A1CF: variants seen among roughly 807,000 people sequenced by gnomAD.
A1CF encodes the protein APOBEC-1 stimulating protein.
A neutral mutation model predicts 68.9 loss-of-function variants in A1CF; 48 were observed. The ratio of observed to expected loss-of-function variants is 0.70; its 90% CI spans 0.55 to 0.89. A1CF has a LOEUF of 0.89. A1CF is among the 40% of genes least tolerant of loss of function. The pLI is 0.00. For missense variants in A1CF, 653 were observed against 718.9 expected (o/e 0.91, Z 1.05); for synonymous variants, 272 against 260.4 (o/e 1.04, Z -0.43).
At chr10:50,824,546 C>G (rs982477883) in intron 7 of A1CF, 1 of 152,182 alleles carries the variant, frequency 6.6e-6, no homozygotes, top group African/African-American at 2.4e-5. Context: ...CAAGTCTTCT[C>G]TGCACTCCAA....
rs774653367 is a variant in A1CF, at chr10:50,841,857, C to G, written c.365+5G>C. On this transcript the variant is annotated splice_donor_5th_base_variant and intron_variant, in intron 5 of 12. Coordinates refer to ENST00000373997, the MANE Select transcript of A1CF (RefSeq NM_014576.4). ...CACTTTTAATCTAGAAGAGGCGGAG[C>G]TTACCTAATTTCATAATTATTAAGT... 6.2e-7 allele frequency: 1 copy of G among 1,612,394 alleles called. No homozygotes were observed. The highest frequency in any genetic ancestry group is 1.1e-5 in the South Asian group (1 of 90,860).
intron 5 of A1CF, among the ~76,000 whole-genome samples, chr10:50,837,718 GC>G (rs1446752712): frequency 6.6e-6 from 1 of 152,138 alleles, no homozygotes; most frequent in African/African-American, 2.4e-5. Context: ...CTTTCTAAAT[GC>G]CCCCTTGGGT....
rs1274965178 is a variant in A1CF, at chr10:50,805,330, AT to A, written c.*1398del. 4 of 152,202 alleles carry A rather than the reference AT, an allele frequency of 2.6e-5. No individual in the cohort carries two copies. The highest frequency in any genetic ancestry group is 7.2e-5 in the African/African-American group (3 of 41,450). 9.4% of individuals were successfully genotyped at this position (152,202 alleles called of 1,614,324 possible). A position where few individuals can be genotyped will look rare whatever the true frequency, so the allele number is the denominator to read the frequency against. The stretch of plus-strand genomic sequence containing the variant: ...TGAGATTGATGTAGGAGTAACAGGT[AT>A]TTGGTGTTGGACTTAAGATTATTTA... On this transcript the variant is annotated 3_prime_UTR_variant, in exon 13 of 13. Transcript: ENST00000373997.
At chr10:50,856,347 C>G (rs1840476732) in intron 3 of A1CF, among the ~76,000 whole-genome samples, 1 of 151,996 alleles carries the variant, frequency 6.6e-6, no homozygotes, top group Non-Finnish European at 1.5e-5. Flanking sequence ...TTAATTCATT[C>G]AAAATGATTG....
chr10:50,824,614 A>T (rs920930695), intron 7 of A1CF: 1 of 152,156 alleles, frequency 6.6e-6, no homozygotes, highest in African/African-American at 2.4e-5. Flanking sequence ...CCATGCACAC[A>T]TCATACTTGT....
intron 1 of A1CF, among the ~76,000 whole-genome samples, chr10:50,884,425 G>T (rs559431869): frequency 2.6e-5 from 4 of 152,284 alleles, no homozygotes; most frequent in Non-Finnish European, 2.9e-5. Context: ...TAAGTCATTT[G>T]TCTCTTTCTC....
chr10:50,838,985 C>T (rs533596854), intron 5 of A1CF, among the ~76,000 whole-genome samples: 1 of 152,274 alleles, frequency 6.6e-6, no homozygotes, highest in East Asian at 1.9e-4. Flanking sequence ...ATCATCACCA[C>T]CATAACCTTC....
In A1CF at chr10:50,816,426, T is replaced by A. The variant is rs150609001; in HGVS notation, c.868-147A>T. The A allele has an allele frequency of 1.6e-4, 154 of 965,428 alleles. No individual in the cohort carries two copies. In the African/African-American group the frequency reaches 2.3e-3, roughly 15 times the overall value. The allele number at this position is 965,428 out of a possible 1,614,324, so 59.8% of individuals were successfully genotyped here. A position where few individuals can be genotyped will look rare whatever the true frequency, so the allele number is the denominator to read the frequency against. ...ATCTTGTCATTTTATAGGTTTGTTT[T>A]GTATGCCAGTTGAACTTTTTCTGAG... On this transcript the variant is annotated intron_variant, in intron 8 of 12. Transcript: ENST00000373997.
At position 50,802,877 on chromosome 10, in the gene A1CF, C is replaced by T. The variant is rs1183704193; in HGVS notation, c.*3852G>A. 1.3e-5 allele frequency: 2 copies of T among 151,984 alleles called. No individual in the cohort carries two copies. Among genetic ancestry groups the T allele is most frequent in the Non-Finnish European group, 2.9e-5 (2 of 67,984 alleles). The allele number at this position is 151,984 out of a possible 1,614,324, so 9.4% of individuals were successfully genotyped here. On this transcript the variant is annotated 3_prime_UTR_variant, in exon 13 of 13. Transcript: ENST00000373997. ...TATAAAACGGTCATTTAGAATATAA[C>T]AAAAATTAATAAAAATGGAACATTA...
chr10:50,873,835 A>T (rs941794970), intron 1 of A1CF, among the ~76,000 whole-genome samples: 3 of 152,174 alleles, frequency 2.0e-5, no homozygotes, highest in Non-Finnish European at 2.9e-5. Context: ...TTGCACTGTA[A>T]TGAAAATATC....
intron 1 of A1CF, among the ~76,000 whole-genome samples, chr10:50,872,292 A>T (rs967807654): frequency 6.6e-6 from 1 of 152,184 alleles, no homozygotes. Context: ...TGTTCTGAAA[A>T]TTTTAAACAT....
At chr10:50,838,739 A>G (rs1460894330) in intron 5 of A1CF, among the ~76,000 whole-genome samples, 2 of 152,212 alleles carry the variant, frequency 1.3e-5, no homozygotes, top group Non-Finnish European at 2.9e-5. Flanking sequence ...CTGCAACAAA[A>G]GTTCTTTCCC....
chr10:50,806,954 TA>T (rs1837861576), intron 12 of A1CF, 74 bp from the exon 13 acceptor site: 2 of 1,455,762 alleles, frequency 1.4e-6, no homozygotes, highest in Admixed American at 4.3e-5. Flanking sequence ...TGTCTTCTTT[TA>T]GAAATACGAA....
chr10:50,822,133 T>C (rs1480841714), intron 7 of A1CF, among the ~76,000 whole-genome samples: 1 of 152,218 alleles, frequency 6.6e-6, no homozygotes, highest in African/African-American at 2.4e-5. Context: ...AAACCAACTA[T>C]CTATTTTTAT....
In A1CF at chr10:50,815,901, CA is replaced by C. The variant is rs1231989960; in HGVS notation, c.1141+104del. On this transcript the variant is annotated intron_variant, in intron 9 of 12. Coordinates refer to ENST00000373997, the MANE Select transcript of A1CF (RefSeq NM_014576.4). ...AGTTGATTTTTAATAAACAATTTTT[CA>C]GTGCTTTTCTCCAAGTGGACCCATC... 80 of 1,314,732 alleles carry C rather than the reference CA, an allele frequency of 6.1e-5. 1 individual carries two copies. Among genetic ancestry groups the C allele is most frequent in the Non-Finnish European group, 7.9e-5 (75 of 954,350 alleles). The allele number at this position is 1,314,732 out of a possible 1,614,324, so 81.4% of individuals were successfully genotyped here.
At chr10:50,884,634 C>T (rs1318426784) in intron 1 of A1CF, among the ~76,000 whole-genome samples, 1 of 152,248 alleles carries the variant, frequency 6.6e-6, no homozygotes, top group Non-Finnish European at 1.5e-5. Context: ...ACTAATCCTG[C>T]ACAATGTGCA....
chr10:50,800,109 A>C lies in A1CF; in HGVS notation c.*6620T>G, dbSNP rs961834912. 1.3e-5 allele frequency: 2 copies of C among 152,170 alleles called. No individual in the cohort carries two copies. The allele number at this position is 152,170 out of a possible 1,614,324, so 9.4% of individuals were successfully genotyped here. On this transcript the variant is annotated 3_prime_UTR_variant, in exon 13 of 13. Coordinates refer to ENST00000373997, the MANE Select transcript of A1CF (RefSeq NM_014576.4). ...CTTGTGATATAGATTTTAAAATTTT[A>C]TAAACACAAATGTATTTAGAAAACA...
intron 1 of A1CF, among the ~76,000 whole-genome samples, chr10:50,867,903 T>G (rs1841069801): frequency 6.6e-6 from 1 of 152,180 alleles, no homozygotes; most frequent in Non-Finnish European, 1.5e-5. Flanking sequence ...TTTACTATCT[T>G]GATTTGATTT....
At chr10:50,849,984 C>T (rs1290589073) in intron 3 of A1CF, among the ~76,000 whole-genome samples, 2 of 151,662 alleles carry the variant, frequency 1.3e-5, no homozygotes, top group Admixed American at 6.6e-5. Context: ...TTAGTAGAGA[C>T]GGAGTTTCAC....
Sources: gnomAD v4.1 joint callset for allele counts (sites outside exome capture counted in the v4.1 genomes callset) on GRCh38, gnomAD v4.1.1 for gene constraint, MANE v1.5 for transcripts, NCBI Gene and HGNC (gene_info 2026-07-23, HGNC 2026-07-21) for gene names.